AUTS2: variants seen among roughly 807,000 people sequenced by gnomAD.
The protein encoded by AUTS2 is activator of transcription and developmental regulator AUTS2, also known as autism susceptibility gene 2 protein.
In AUTS2, 17 loss-of-function variants were observed where a neutral mutation model predicts 112.4. The observed-to-expected ratio is 0.15, with a 90% confidence interval of 0.10 to 0.23. AUTS2 has a LOEUF of 0.23. Ranked by LOEUF, AUTS2 falls within the 10% of genes least tolerant of loss-of-function variation. The probability of loss-of-function intolerance (pLI) is 1.00; values close to 1 mark genes in which losing one functional copy is unlikely to be tolerated. For missense variants in AUTS2, 1,510 were observed against 1,701.6 expected (o/e 0.89, Z 1.98); for synonymous variants, 751 against 702.7 (o/e 1.07, Z -1.09).
intron 1 of AUTS2, among the ~76,000 whole-genome samples, chr7:69,887,957 A>G (rs1405981953): frequency 1.3e-5 from 2 of 152,066 alleles, no homozygotes; most frequent in African/African-American, 4.8e-5. Flanking sequence ...GGGAATAGAA[A>G]TGGTTTATCC....
intron 4 of AUTS2, among the ~76,000 whole-genome samples, chr7:70,423,544 T>C (rs376021611): frequency 6.6e-6 from 1 of 152,338 alleles, no homozygotes; most frequent in East Asian, 1.9e-4. Context: ...AAATTTAAAC[T>C]CCAAATCTTG....
At chr7:70,354,999 GGTGTGTGTGTATGTAT>G (rs1791931378) in intron 4 of AUTS2, among the ~76,000 whole-genome samples, 2 of 136,964 alleles carry the variant, frequency 1.5e-5, no homozygotes, top group South Asian at 2.4e-4. Context: ...TGTGTGTATG[GGTGTGTGTGTATGTAT>G]GTGTGTGTGT....
intron 1 of AUTS2, among the ~76,000 whole-genome samples, chr7:69,760,506 C>A (rs570182129): frequency 4.1e-4 from 63 of 152,178 alleles, no homozygotes; most frequent in Non-Finnish European, 7.9e-4. Context: ...ATCCTACATA[C>A]AAAGAGCTGC....
chr7:70,552,452 T>G (rs1171757310), intron 5 of AUTS2, among the ~76,000 whole-genome samples: 1 of 152,234 alleles, frequency 6.6e-6, no homozygotes, highest in Non-Finnish European at 1.5e-5. Flanking sequence ...TAGAAAGATT[T>G]AAGGAACTGA....
chr7:69,709,201 T>G (rs1000821480), intron 1 of AUTS2, among the ~76,000 whole-genome samples: 5 of 152,208 alleles, frequency 3.3e-5, no homozygotes, highest in Non-Finnish European at 7.3e-5. Context: ...TTTAGAAAAC[T>G]CCTTTCTTCC....
chr7:70,077,326 G>A (rs761103226), intron 2 of AUTS2, among the ~76,000 whole-genome samples: 4 of 152,130 alleles, frequency 2.6e-5, no homozygotes, highest in Admixed American at 6.5e-5. Flanking sequence ...AATGTGCTGC[G>A]CCCTACGTCC....
intron 1 of AUTS2, among the ~76,000 whole-genome samples, chr7:69,846,868 C>T (rs182872782): frequency 1.6e-4 from 24 of 152,272 alleles, no homozygotes; most frequent in Admixed American, 5.9e-4. Context: ...CCACCACACC[C>T]GGCCCCCACA....
intron 5 of AUTS2, among the ~76,000 whole-genome samples, chr7:70,464,004 A>G (rs1797075425): frequency 6.6e-6 from 1 of 152,216 alleles, no homozygotes; most frequent in East Asian, 1.9e-4. Context: ...TGCTTAGTAC[A>G]AATGTAAGCA....
intron 1 of AUTS2, among the ~76,000 whole-genome samples, chr7:69,653,347 A>G (rs1427231980): frequency 6.6e-6 from 1 of 152,200 alleles, no homozygotes; most frequent in African/African-American, 2.4e-5. Flanking sequence ...GAACAGTTTT[A>G]TGATTGATTA....
At position 70,523,897 on chromosome 7, in the gene AUTS2, C is replaced by A. The variant is rs1194282546; in HGVS notation, c.690+88116C>A. On this transcript the variant is annotated intron_variant, in intron 5 of 18. Coordinates refer to ENST00000342771, the MANE Select transcript of AUTS2 (RefSeq NM_015570.4). ...AGATCTTTCCCGCCTGGGTTTCTCA[C>A]TGCCCTGCCCCAAGCAGTAGAAACT... Among the ~76,000 whole-genome samples the A allele has an allele frequency of 2.0e-5, 3 of 152,218 alleles. No homozygotes were observed. In the East Asian group the frequency reaches 5.8e-4, roughly 29 times the overall value.
intron 1 of AUTS2, among the ~76,000 whole-genome samples, chr7:69,723,838 C>T (rs747644404): frequency 8.5e-5 from 13 of 152,156 alleles, no homozygotes; most frequent in South Asian, 2.1e-4. Context: ...TACACTCTAA[C>T]GGTAGTTTAG....
At chr7:69,703,501 A>G (rs919956418) in intron 1 of AUTS2, among the ~76,000 whole-genome samples, 1 of 152,202 alleles carries the variant, frequency 6.6e-6, no homozygotes, top group African/African-American at 2.4e-5. Flanking sequence ...AGAGAAATGT[A>G]AATGTTGTAC....
chr7:70,017,936 G>C (rs1800104276), intron 2 of AUTS2, among the ~76,000 whole-genome samples: 1 of 151,354 alleles, frequency 6.6e-6, no homozygotes, highest in Non-Finnish European at 1.5e-5. Flanking sequence ...TTGAAAGATA[G>C]TGAGGCATGG....
intron 2 of AUTS2, among the ~76,000 whole-genome samples, chr7:70,004,921 T>C (rs1584562714): frequency 6.6e-6 from 1 of 151,788 alleles, no homozygotes; most frequent in Non-Finnish European, 1.5e-5. Context: ...GCCTCCCGGG[T>C]TTGAGTAATT....
intron 13 of AUTS2, 184 bp from the exon 14 acceptor site, chr7:70,776,919 G>T: frequency 1.6e-6 from 1 of 641,026 alleles, no homozygotes; most frequent in Non-Finnish European, 2.8e-6. Flanking sequence ...GGGGGAGCTG[G>T]CTGTGACTCC....
intron 2 of AUTS2, among the ~76,000 whole-genome samples, chr7:69,985,331 A>G (rs1215820372): frequency 1.3e-5 from 2 of 151,830 alleles, no homozygotes; most frequent in Non-Finnish European, 2.9e-5. Flanking sequence ...TGGTTCCATC[A>G]CTTGGCTGCC....
rs1255135276 is a variant in AUTS2 at position 70,024,777 on chromosome 7, A to C, written c.523-93355A>C. On this transcript the variant is annotated intron_variant, in intron 2 of 18. Coordinates refer to ENST00000342771, the MANE Select transcript of AUTS2 (RefSeq NM_015570.4). The stretch of plus-strand genomic sequence containing the variant: ...AAGAGTTATTGCAGTCTTGAGGCAA[A>C]ATCTCTTCTTTGTGATACCTTATTT... Among the ~76,000 whole-genome samples the C allele has an allele frequency of 2.0e-5, 3 of 152,130 alleles. No individual in the cohort carries two copies. In the East Asian group the frequency reaches 5.8e-4, roughly 29 times the overall value.
chr7:70,423,828 A>G (rs1008282046), intron 4 of AUTS2, among the ~76,000 whole-genome samples: 18 of 152,152 alleles, frequency 1.2e-4, no homozygotes, highest in African/African-American at 3.9e-4. Context: ...TTCGTGTAGC[A>G]TAGTATTGAG....
chr7:70,601,480 T>C (rs1803467711), intron 5 of AUTS2, among the ~76,000 whole-genome samples: 1 of 152,140 alleles, frequency 6.6e-6, no homozygotes, highest in Non-Finnish European at 1.5e-5. Context: ...AAAGTTCTAA[T>C]CAGATGTGAA....
Sources: gnomAD v4.1 joint callset for allele counts (sites outside exome capture counted in the v4.1 genomes callset) on GRCh38, gnomAD v4.1.1 for gene constraint, MANE v1.5 for transcripts, NCBI Gene and HGNC (gene_info 2026-07-23, HGNC 2026-07-21) for gene names.